OPHN1: variants seen among roughly 807,000 people sequenced by gnomAD.
The protein encoded by OPHN1 is oligophrenin 1.
In OPHN1, 11 loss-of-function variants were observed where a neutral mutation model predicts 60.7. The ratio of observed to expected loss-of-function variants is 0.18; its 90% CI spans 0.11 to 0.30. The LOEUF (loss-of-function observed/expected upper bound fraction) is 0.30. OPHN1 is among the 10% of genes least tolerant of loss of function. OPHN1 has a pLI of 1.00. For missense variants in OPHN1, 449 were observed against 611.0 expected, an observed-to-expected ratio of 0.73 and a Z score of 2.80; for synonymous variants, 226 against 222.6, an observed-to-expected ratio of 1.02 and a Z score of -0.14.
intron 2 of OPHN1, among the ~76,000 whole-genome samples, chrX:68,404,462 C>G (rs2078731431): frequency 9.0e-6 from 1 of 111,199 alleles, no homozygotes; most frequent in South Asian, 3.8e-4. Flanking sequence ...CTGGCCAAAA[C>G]TTTTAAATAG....
intron 15 of OPHN1, among the ~76,000 whole-genome samples, chrX:68,180,222 A>G (rs2077430618): frequency 9.0e-6 from 1 of 111,674 alleles, no homozygotes; most frequent in African/African-American, 3.3e-5. Flanking sequence ...AAAATAGTTT[A>G]TGTGTATACT....
chrX:68,067,615 T>A (rs1309584812), intron 20 of OPHN1, among the ~76,000 whole-genome samples: 1 of 111,012 alleles, frequency 9.0e-6, no homozygotes, highest in African/African-American at 3.3e-5. Context: ...GAAAGACTGG[T>A]GGCAGAAAGA....
At chrX:68,090,142 C>T (rs768668544) in intron 19 of OPHN1, among the ~76,000 whole-genome samples, 5 of 110,442 alleles carry the variant, frequency 4.5e-5, no homozygotes, top group South Asian at 3.9e-4. Context: ...TTTAGCTTAA[C>T]CTTATCATTT....
chrX:68,312,941 C>T (rs766719044), intron 2 of OPHN1, among the ~76,000 whole-genome samples: 1 of 110,593 alleles, frequency 9.0e-6, no homozygotes, highest in African/African-American at 3.3e-5. Flanking sequence ...CTCATATCCA[C>T]CAAAAAATAA....
rs147651068 is a variant in OPHN1 at position 68,046,201 on chromosome X, A to G, written c.*971T>C. The G allele has an allele frequency of 3.6e-5, 4 of 111,832 alleles. No homozygotes were observed. Among genetic ancestry groups the G allele is most frequent in the Non-Finnish European group, 7.5e-5 (4 of 53,183 alleles). 9.2% of individuals were successfully genotyped at this position (111,832 alleles called of 1,213,427 possible). ...TCATGGAGTTTCTGAGTCCATGGAC[A>G]CTGGGTTAAGAACTGCTTTTTTCAG... is the stretch of plus-strand genomic sequence containing the variant. On this transcript the variant is annotated 3_prime_UTR_variant, in exon 25 of 25. Transcript: ENST00000355520.
At chrX:68,306,613 G>A (rs979126327) in intron 2 of OPHN1, among the ~76,000 whole-genome samples, 2 of 112,385 alleles carry the variant, frequency 1.8e-5, no homozygotes, top group Non-Finnish European at 3.8e-5. Context: ...GGTCGTCAAT[G>A]TTAGCCAAAT....
intron 5 of OPHN1, among the ~76,000 whole-genome samples, chrX:68,263,313 C>A (rs1423164193): frequency 8.9e-6 from 1 of 111,805 alleles, no homozygotes; most frequent in Non-Finnish European, 1.9e-5. Flanking sequence ...TAATATGAAA[C>A]CTCTTCATAT....
chrX:68,317,356 AAAGAAAGAAAGAAAGAAAGAAAGGAAGG>A (rs1207454540), intron 2 of OPHN1, among the ~76,000 whole-genome samples: 24 of 62,993 alleles, frequency 3.8e-4, no homozygotes, highest in African/African-American at 1.8e-3. Flanking sequence ...AGAAAGAAAG[AAAGAAAGAAAGAAAGAAAGAAAGGAAGG>A]AAGGAAGGAA....
intron 16 of OPHN1, among the ~76,000 whole-genome samples, chrX:68,113,566 A>T (rs1173265057): frequency 1.8e-5 from 2 of 110,786 alleles, no homozygotes; most frequent in African/African-American, 3.3e-5. Context: ...AGATCCTTAG[A>T]ATTTCCGAAG....
At chrX:68,073,381 G>T (rs923226926) in intron 19 of OPHN1, 82 bp from the exon 20 acceptor site, 9 of 885,122 alleles carry the variant, frequency 1.0e-5, no homozygotes, top group African/African-American at 4.0e-5. Context: ...GTTGATGCTT[G>T]TTGGCCTTAT....
intron 5 of OPHN1, among the ~76,000 whole-genome samples, chrX:68,266,792 G>A (rs1358702735): frequency 9.0e-6 from 1 of 111,101 alleles, no homozygotes; most frequent in East Asian, 2.8e-4. Context: ...CATCTCTCGT[G>A]CAGAGACACA....
intron 15 of OPHN1, among the ~76,000 whole-genome samples, chrX:68,190,451 C>A (rs1383421340): frequency 1.8e-5 from 2 of 112,181 alleles, no homozygotes; most frequent in African/African-American, 3.2e-5. Flanking sequence ...AGGAAGTTAA[C>A]AGTTTTATAT....
chrX:68,079,027 AG>A (rs377468373), intron 19 of OPHN1, among the ~76,000 whole-genome samples: 25 of 109,393 alleles, frequency 2.3e-4, no homozygotes, highest in Admixed American at 1.9e-3. Context: ...AAATAAATAA[AG>A]TAAACAACTT....
At chrX:68,168,467 C>G (rs1224918203) in intron 15 of OPHN1, among the ~76,000 whole-genome samples, 1 of 78,282 alleles carries the variant, frequency 1.3e-5, no homozygotes, top group African/African-American at 4.6e-5. Flanking sequence ...AGAACAAAGA[C>G]ACAACATACC....
rs73532179 is a variant in OPHN1 at position 68,293,500 on chromosome X, T to A, written c.250+5501A>T. 8.0e-3 allele frequency among the ~76,000 whole-genome samples: 893 copies of A among 111,977 alleles called. 8 individuals are homozygous for A. Among genetic ancestry groups the A allele is most frequent in the African/African-American group, 0.027 (838 of 30,770 alleles). ...GTTTCTTTAAATATGTTAGCATAAC[T>A]GGGGTGGAAATGTGATTTACAGTCT... On this transcript the variant is annotated intron_variant, in intron 3 of 24. Transcript: ENST00000355520.
chrX:68,337,301 T>C lies in OPHN1; in HGVS notation c.155-38205A>G, dbSNP rs2078328623. Among the ~76,000 whole-genome samples the C allele has an allele frequency of 6.3e-5, 7 of 111,463 alleles. No individual in the cohort carries two copies. In the South Asian group the frequency reaches 2.6e-3, roughly 41 times the overall value. Reference sequence around the variant, plus strand: ...GTTACAAAAACCTCTAGGATAATTATTATAAAAACGTATTGTTCGATTTTT... The same window carrying C: ...GTTACAAAAACCTCTAGGATAATTACTATAAAAACGTATTGTTCGATTTTT... On this transcript the variant is annotated intron_variant, in intron 2 of 24. Transcript: ENST00000355520.
chrX:68,053,948 A>ATTTTT lies in OPHN1; in HGVS notation c.2159-143_2159-139dup, dbSNP rs397895409. 1.3e-3 allele frequency: 584 copies of ATTTTT among 455,802 alleles called. 1 individual carries two copies. The highest frequency in any genetic ancestry group is 1.9e-3 in the Middle Eastern group (3 of 1,569). The allele number at this position is 455,802 out of a possible 1,213,427, so 37.6% of individuals were successfully genotyped here. A position where few individuals can be genotyped will look rare whatever the true frequency, so the allele number is the denominator to read the frequency against. ...TTCTTGGTGACTAACAACTCTGGCT[A>ATTTTT]TTTTTTTTTTTTTTTGTAATTTTTC... On this transcript the variant is annotated intron_variant, in intron 21 of 24. Transcript: ENST00000355520.
chrX:68,131,594 A>G lies in OPHN1; in HGVS notation c.1277-12262T>C, dbSNP rs193036007. 7.1e-3 allele frequency among the ~76,000 whole-genome samples: 803 copies of G among 112,452 alleles called. 3 individuals are homozygous for G. The highest frequency in any genetic ancestry group is 0.025 in the African/African-American group (778 of 30,939). On this transcript the variant is annotated intron_variant, in intron 15 of 24. Coordinates refer to ENST00000355520, the MANE Select transcript of OPHN1 (RefSeq NM_002547.3). ...TATGAATATCTGTGCATAAAGTAAT[A>G]CAGACACCACCTTTATAAAGCAAAA...
chrX:68,219,284 T>C (rs1421594600), intron 6 of OPHN1, among the ~76,000 whole-genome samples: 2 of 80,249 alleles, frequency 2.5e-5, no homozygotes, highest in Non-Finnish European at 4.7e-5. Flanking sequence ...ATAAAGCAAG[T>C]CCTGAGTGAC....
Sources: gnomAD v4.1 joint callset for allele counts (sites outside exome capture counted in the v4.1 genomes callset) on GRCh38, gnomAD v4.1.1 for gene constraint, MANE v1.5 for transcripts, NCBI Gene and HGNC (gene_info 2026-07-23, HGNC 2026-07-21) for gene names.